Variants in ZNF438 observed in about 807,000 individuals in gnomAD.
The protein encoded by ZNF438 is zinc finger protein 438.
Under a neutral mutation model 38.0 loss-of-function variants are expected in ZNF438, and 25 were observed. The ratio of observed to expected loss-of-function variants is 0.66; its 90% CI spans 0.48 to 0.92. The LOEUF is 0.92. Among genes scored for constraint, ZNF438 ranks in the 40% least tolerant of loss-of-function variants. ZNF438 has a pLI of 0.00. For missense variants in ZNF438, 1,007 were observed against 999.6 expected (o/e 1.01, Z -0.10); for synonymous variants, 372 against 364.1 (o/e 1.02, Z -0.25).
intron 1 of ZNF438, among the ~76,000 whole-genome samples, chr10:30,943,696 A>G (rs925973209): frequency 2.0e-5 from 3 of 152,210 alleles, no homozygotes; most frequent in Non-Finnish European, 4.4e-5. Flanking sequence ...AACCAGTAAC[A>G]GGAATTAGAA....
At chr10:30,973,113 C>T (rs1398299266) in intron 1 of ZNF438, among the ~76,000 whole-genome samples, 2 of 152,158 alleles carry the variant, frequency 1.3e-5, no homozygotes, top group Non-Finnish European at 2.9e-5. Flanking sequence ...GTAGTTAACG[C>T]TGTAGTTCTA....
intron 3 of ZNF438, among the ~76,000 whole-genome samples, chr10:30,896,002 A>T (rs2041279248): frequency 6.6e-6 from 1 of 152,206 alleles, no homozygotes. Context: ...CATCTGTGTG[A>T]ATGTCAAAAA....
chr10:30,960,193 GA>G (rs2049313508), intron 1 of ZNF438, among the ~76,000 whole-genome samples: 1 of 147,236 alleles, frequency 6.8e-6, no homozygotes, highest in East Asian at 1.9e-4. Context: ...TATCACACAT[GA>G]TTTGCAAATA....
At chr10:31,013,872 T>G (rs2055956176) in intron 1 of ZNF438, among the ~76,000 whole-genome samples, 1 of 152,224 alleles carries the variant, frequency 6.6e-6, no homozygotes, top group South Asian at 2.1e-4. Context: ...ATTTGCCTCT[T>G]TTCCTTCACA....
At chr10:30,917,533 C>G (rs959097940) in intron 2 of ZNF438, among the ~76,000 whole-genome samples, 1 of 152,088 alleles carries the variant, frequency 6.6e-6, no homozygotes, top group African/African-American at 2.4e-5. Context: ...TCATTTTAAC[C>G]TGCATTTCCC....
At chr10:30,883,754 G>A (rs2039581034) in intron 3 of ZNF438, among the ~76,000 whole-genome samples, 1 of 152,050 alleles carries the variant, frequency 6.6e-6, no homozygotes, top group Non-Finnish European at 1.5e-5. Context: ...AATTGGCCAG[G>A]TGCGTATCCA....
At chr10:31,018,224 C>T (rs1203394212) in intron 1 of ZNF438, among the ~76,000 whole-genome samples, 1 of 152,206 alleles carries the variant, frequency 6.6e-6, no homozygotes, top group Non-Finnish European at 1.5e-5. Flanking sequence ...TATTACTGGC[C>T]TCTCAGTCAA....
At chr10:30,868,073 A>T (rs11008291) in intron 4 of ZNF438, among the ~76,000 whole-genome samples, 87,450 of 149,520 alleles carry the variant, frequency 0.58, 25,588 homozygotes, top group African/African-American at 0.62. Flanking sequence ...TTTTTAAAGA[A>T]TTTTTTTTTT....
At chr10:31,029,526 G>GT (rs1362032257) in intron 1 of ZNF438, among the ~76,000 whole-genome samples, 1 of 151,930 alleles carries the variant, frequency 6.6e-6, no homozygotes, top group Non-Finnish European at 1.5e-5. Context: ...CCTTCAAAAC[G>GT]TATCACCAAT....
intron 1 of ZNF438, among the ~76,000 whole-genome samples, chr10:30,961,644 T>G (rs2049501194): frequency 1.4e-5 from 2 of 146,504 alleles, no homozygotes; most frequent in Non-Finnish European, 3.1e-5. Context: ...CCAAGCACTT[T>G]GGGAAGCCAA....
intron 2 of ZNF438, among the ~76,000 whole-genome samples, chr10:30,935,655 A>G (rs758130383): frequency 3.9e-4 from 59 of 152,186 alleles, no homozygotes; most frequent in Non-Finnish European, 3.4e-4. Context: ...GAAATACCAG[A>G]GACTGGTTAA....
chr10:30,854,506 G>A (rs1362123052), intron 4 of ZNF438, among the ~76,000 whole-genome samples: 2 of 152,030 alleles, frequency 1.3e-5, no homozygotes, highest in African/African-American at 2.4e-5. Context: ...TTTAGAGGTT[G>A]AGCCTTGGAA....
Position 31,021,143 on chromosome 10 carries a change from A to G in ZNF438, c.-192+10690T>C, listed in dbSNP as rs1356184756. ...GCAATCTCAGCTTACAACAGCATCC[A>G]TTTTTTAACATGTTATGAACTTATT... is the stretch of plus-strand genomic sequence containing the variant. On this transcript the variant is annotated intron_variant, in intron 1 of 5. Transcript: ENST00000413025. 3.4e-5 allele frequency among the ~76,000 whole-genome samples: 5 copies of G among 148,954 alleles called. No homozygotes were observed. The South Asian group carries it at 8.4e-4, about 25-fold the overall frequency.
intron 4 of ZNF438, chr10:30,875,648 G>T (rs2038297778): frequency 1.1e-6 from 1 of 929,476 alleles, no homozygotes; most frequent in Non-Finnish European, 1.3e-6. Context: ...TTCTAGTTGG[G>T]GTTTGCCCAT....
At chr10:30,894,367 C>T (rs2041070238) in intron 3 of ZNF438, among the ~76,000 whole-genome samples, 1 of 152,102 alleles carries the variant, frequency 6.6e-6, no homozygotes, top group Non-Finnish European at 1.5e-5. Context: ...AGGTTCCTAC[C>T]GTCTTACCAA....
intron 4 of ZNF438, among the ~76,000 whole-genome samples, chr10:30,860,016 A>T (rs2133114827): frequency 6.6e-6 from 1 of 152,222 alleles, no homozygotes; most frequent in East Asian, 1.9e-4. Context: ...TCCCCCCGAG[A>T]TTAGCCATAG....
chr10:31,009,180 G>C (rs1016087723), intron 1 of ZNF438, among the ~76,000 whole-genome samples: 1 of 152,066 alleles, frequency 6.6e-6, no homozygotes, highest in Non-Finnish European at 1.5e-5. Flanking sequence ...TATATAATTT[G>C]CAAGTATTTT....
intron 4 of ZNF438, among the ~76,000 whole-genome samples, chr10:30,872,425 C>CAAAAAA (rs566401687): frequency 6.1e-4 from 36 of 58,686 alleles, no homozygotes; most frequent in East Asian, 4.4e-3. Flanking sequence ...GACTCTGTCT[C>CAAAAAA]AAAAAAAAAA....
intron 2 of ZNF438, among the ~76,000 whole-genome samples, chr10:30,918,405 CTT>C (rs1198918451): frequency 6.6e-6 from 1 of 152,064 alleles, no homozygotes; most frequent in Admixed American, 6.6e-5. Context: ...TGGCATCTCT[CTT>C]CATTTATTTC....
Sources: allele counts gnomAD v4.1 joint callset (sites outside exome capture counted in the v4.1 genomes callset), GRCh38; gene constraint gnomAD v4.1.1; transcripts MANE v1.5; gene names NCBI Gene and HGNC (gene_info 2026-07-23, HGNC 2026-07-21).